Variants in FOXA3 observed in about 807,000 individuals in gnomAD.
FOXA3 encodes the protein hepatocyte nuclear factor 3-gamma.
In FOXA3, 11 loss-of-function variants were observed where a neutral mutation model predicts 16.9. That is an observed-to-expected ratio of 0.65 (90% CI 0.41 to 1.08). FOXA3 has a LOEUF of 1.08. Ranked by LOEUF, FOXA3 falls within the 50% of genes least tolerant of loss-of-function variation. The pLI is 0.00. For missense variants in FOXA3, 423 were observed against 470.1 expected (o/e 0.90, Z 0.93); for synonymous variants, 217 against 203.3 (o/e 1.07, Z -0.57).
rs1245524301 is a variant in FOXA3 at position 45,872,154 on chromosome 19, A to G, written c.149A>G (p.Tyr50Cys). The G allele has an allele frequency of 1.3e-6, 2 of 1,591,548 alleles. No homozygotes were observed. The highest frequency in any genetic ancestry group is 1.7e-6 in the Non-Finnish European group (2 of 1,169,222). The change falls in exon 2 of 2, where the codon TAT (tyrosine) becomes TGT (cysteine). Residue 50 changes from tyrosine to cysteine, a missense_variant. Tyr to Cys is a radical substitution (Grantham distance 194). This residue lies in a region of FOXA3 where 170 missense variants were observed against 153.9 expected (regional missense o/e 1.10). Coordinates refer to ENST00000302177, the MANE Select transcript of FOXA3 (RefSeq NM_004497.3). This position sits in a 1 kb window ranked among gnomAD's most constrained non-coding sequence, Gnocchi z 4.5. Reference protein sequence around the residue: ...YMTLNPLSSPYPPGGLPASPL... With the variant: ...YMTLNPLSSPCPPGGLPASPL... Reference sequence around the variant, plus strand: ...ACCCTGAATCCTCTAAGCTCTCCCTATCCCCCTGGGGGGCTCCCTGCCTCC... The same window carrying G: ...ACCCTGAATCCTCTAAGCTCTCCCTGTCCCCCTGGGGGGCTCCCTGCCTCC...
Position 45,867,980 on chromosome 19 carries a change from G to A in FOXA3, c.69+3455G>A, listed in dbSNP as rs1045455252. On this transcript the variant is annotated intron_variant, in intron 1 of 1. Transcript: ENST00000302177. ...GGGAGAGGACTCGGGAGGGGTCGAG[G>A]GTGGGCAGGAAGAGCAAAAGAGGTT... is the stretch of plus-strand genomic sequence containing the variant. 2.0e-5 allele frequency among the ~76,000 whole-genome samples: 3 copies of A among 151,328 alleles called. No individual in the cohort carries two copies. In the Admixed American group the frequency reaches 2.0e-4, roughly 10 times the overall value.
intron 1 of FOXA3, among the ~76,000 whole-genome samples, chr19:45,870,001 G>A (rs1966891016): frequency 6.6e-6 from 1 of 151,798 alleles, no homozygotes; most frequent in African/African-American, 2.4e-5. Flanking sequence ...GGCCAGGCTG[G>A]TCTCGAACTC....
rs772555492 is a variant in FOXA3 at position 45,872,483 on chromosome 19, C to T, written c.478C>T (p.Arg160Cys). Reference protein sequence around the residue: ...LFPYYRENQQRWQNSIRHSLS... With the variant: ...LFPYYRENQQCWQNSIRHSLS... ...CCCTTACTACCGGGAGAATCAGCAG[C>T]GCTGGCAGAACTCCATTCGCCACTC... Residue 160 changes from arginine to cysteine, a missense_variant, in exon 2 of 2, where the codon CGC becomes TGC. Transcript: ENST00000302177. This position sits in a 1 kb window ranked among gnomAD's most constrained non-coding sequence, Gnocchi z 4.5. 1.7e-5 allele frequency: 27 copies of T among 1,614,068 alleles called. No homozygotes were observed. The highest frequency in any genetic ancestry group is 2.0e-5 in the Non-Finnish European group (24 of 1,180,044).
In FOXA3 at chr19:45,872,227, G is replaced by C; in HGVS notation, c.222G>C (p.Leu74=). ...CACCCCCAGCACCTGCAGCCCCCCT[G>C]GGGCCCACTTTCCCAGGCCTGGGTG... ...PLAPPAPAAP[L]GPTFPGLGVS... Residue 74 remains leucine, a synonymous_variant, in exon 2 of 2, where the codon CTG becomes CTC. Coordinates refer to ENST00000302177, the MANE Select transcript of FOXA3 (RefSeq NM_004497.3). The surrounding 1 kb of genome is among the most constrained non-coding windows in gnomAD (Gnocchi z 4.5). 6.2e-7 allele frequency: 1 copy of C among 1,606,034 alleles called. No individual in the cohort carries two copies.
At chr19:45,868,572 T>C (rs1187570553) in intron 1 of FOXA3, among the ~76,000 whole-genome samples, 1 of 129,764 alleles carries the variant, frequency 7.7e-6, no homozygotes, top group Non-Finnish European at 1.6e-5. Flanking sequence ...ACAGTGAGAC[T>C]CTCTTAAAAA....
intron 1 of FOXA3, among the ~76,000 whole-genome samples, chr19:45,865,317 C>T (rs984913348): frequency 4.6e-5 from 7 of 152,096 alleles, no homozygotes; most frequent in African/African-American, 1.7e-4. Context: ...CCAGCTATTG[C>T]TAAAATTCCC....
chr19:45,871,534 G>A (rs751899743), intron 1 of FOXA3, among the ~76,000 whole-genome samples: 6 of 149,894 alleles, frequency 4.0e-5, no homozygotes, highest in Non-Finnish European at 7.4e-5. Flanking sequence ...AGACCAGCCC[G>A]GCCAACATGG....
rs1426257140 is a variant in FOXA3 at position 45,872,273 on chromosome 19, T to TCCGGGTACGGGGCC, written c.275_288dup (p.Pro97ThrfsTer47). On this transcript the variant is annotated frameshift_variant, in exon 2 of 2. Coordinates refer to ENST00000302177, the MANE Select transcript of FOXA3 (RefSeq NM_004497.3). LOFTEE classifies it high-confidence loss of function. This position sits in a 1 kb window ranked among gnomAD's most constrained non-coding sequence, Gnocchi z 4.5. Reference sequence around the variant, plus strand: ...GGGTGTCAGCGGTGGCAGCAGCAGCTCCGGGTACGGGGCCCCGGGTCCTGG... The same window carrying TCCGGGTACGGGGCC: ...GGGTGTCAGCGGTGGCAGCAGCAGCTCCGGGTACGGGGCCCCGGGTACGGGGCCCCGGGTCCTGG... 1.9e-6 allele frequency: 3 copies of TCCGGGTACGGGGCC among 1,611,798 alleles called. No homozygotes were observed. The South Asian group carries it at 3.3e-5, about 18-fold the overall frequency.
chr19:45,865,779 G>A (rs1413383626), intron 1 of FOXA3, among the ~76,000 whole-genome samples: 1 of 152,118 alleles, frequency 6.6e-6, no homozygotes, highest in African/African-American at 2.4e-5. Context: ...TGAGGTGCAC[G>A]TGGGGTGGGG....
chr19:45,867,777 C>G (rs1174955634), intron 1 of FOXA3, among the ~76,000 whole-genome samples: 1 of 35,770 alleles, frequency 2.8e-5, no homozygotes, highest in African/African-American at 2.2e-4. Context: ...GAGACTCTAT[C>G]TCAAAAAAAA....
Position 45,872,709 on chromosome 19 carries a change from GGTC to G in FOXA3, c.705_707del (p.Ser236del), listed in dbSNP as rs1966920863. 6.2e-7 allele frequency: 1 copy of G among 1,607,256 alleles called. No homozygotes were observed. On this transcript the variant is annotated inframe_deletion, in exon 2 of 2. Coordinates refer to ENST00000302177, the MANE Select transcript of FOXA3 (RefSeq NM_004497.3). This position sits in a 1 kb window ranked among gnomAD's most constrained non-coding sequence, Gnocchi z 4.5. ...GCCACCACCACCAGGAACGGGACAG[GGTC>G]TGCTGCCTCGACCACCACCCCCGCG...
At chr19:45,868,654 G>T (rs1237814805) in intron 1 of FOXA3, among the ~76,000 whole-genome samples, 1 of 151,468 alleles carries the variant, frequency 6.6e-6, no homozygotes, top group Non-Finnish European at 1.5e-5. Flanking sequence ...GGTGGCTCTA[G>T]CCAGTGCTGT....
chr19:45,872,024 C>G lies in FOXA3; in HGVS notation c.70-51C>G. The G allele has an allele frequency of 1.3e-6, 2 of 1,580,862 alleles. No individual in the cohort carries two copies. The highest frequency in any genetic ancestry group is 1.7e-6 in the Non-Finnish European group (2 of 1,157,200). On this transcript the variant is annotated intron_variant, in intron 1 of 1. Coordinates refer to ENST00000302177, the MANE Select transcript of FOXA3 (RefSeq NM_004497.3). This position sits in a 1 kb window ranked among gnomAD's most constrained non-coding sequence, Gnocchi z 4.5. ...ACTCAGTGGGTCCTGGGATCCTTTG[C>G]TGACCAGCAGAGTGGAGCCCCACTG...
chr19:45,866,832 G>A (rs1056810671), intron 1 of FOXA3, among the ~76,000 whole-genome samples: 1 of 152,158 alleles, frequency 6.6e-6, no homozygotes, highest in African/African-American at 2.4e-5. Flanking sequence ...TGGGGTCCTG[G>A]GTTGGGTCTG....
At chr19:45,868,838 C>T (rs183896081) in intron 1 of FOXA3, among the ~76,000 whole-genome samples, 9 of 152,132 alleles carry the variant, frequency 5.9e-5, no homozygotes, top group Non-Finnish European at 8.8e-5. Flanking sequence ...GTTTTCCTGG[C>T]GTGTTCTGTT....
intron 1 of FOXA3, among the ~76,000 whole-genome samples, chr19:45,865,520 T>C (rs1972076623): frequency 6.6e-6 from 1 of 152,124 alleles, no homozygotes; most frequent in Non-Finnish European, 1.5e-5. Flanking sequence ...GTTGGGTTCT[T>C]GGTCTGAGAA....
chr19:45,872,558 C>T lies in FOXA3; in HGVS notation c.553C>T (p.Pro185Ser). ...FVKVARSPDK[P>S]GKGSYWALHP... The stretch of plus-strand genomic sequence containing the variant: ...CAAGGTGGCGCGTTCCCCAGACAAG[C>T]CTGGCAAGGGCTCCTACTGGGCCCT... Residue 185 changes from proline (P) to serine (S), a missense_variant, in exon 2 of 2, where the codon CCT (proline) becomes TCT (serine). This residue lies in a region of FOXA3 where 85 missense variants were observed against 136.9 expected (regional missense o/e 0.62). Transcript: ENST00000302177. This position sits in a 1 kb window ranked among gnomAD's most constrained non-coding sequence, Gnocchi z 4.5. 6.2e-7 allele frequency: 1 copy of T among 1,614,190 alleles called. No homozygotes were observed. The highest frequency in any genetic ancestry group is 8.5e-7 in the Non-Finnish European group (1 of 1,180,022).
At chr19:45,867,881 A>C (rs59794944) in intron 1 of FOXA3, among the ~76,000 whole-genome samples, 46 of 149,286 alleles carry the variant, frequency 3.1e-4, no homozygotes, top group African/African-American at 1.1e-3. Flanking sequence ...AGTGAGAGAG[A>C]GTGCCCAGGA....
rs141782286 is a variant in FOXA3 at position 45,872,404 on chromosome 19, G to A, written c.399G>A (p.Ala133=). ...ISLITMAIQQ[A]PGKMLTLSEI... is the part of the protein sequence containing the mutation. The stretch of plus-strand genomic sequence containing the variant: ...TCATCACCATGGCCATCCAGCAGGC[G>A]CCGGGCAAGATGCTGACCTTGAGTG... The change falls in exon 2 of 2, where the codon GCG becomes GCA. Residue 133 remains alanine (A), a synonymous_variant. Coordinates refer to ENST00000302177, the MANE Select transcript of FOXA3 (RefSeq NM_004497.3). This position sits in a 1 kb window ranked among gnomAD's most constrained non-coding sequence, Gnocchi z 4.5. The A allele has an allele frequency of 2.9e-4, 465 of 1,614,212 alleles. 3 individuals are homozygous for A. In the East Asian group the frequency reaches 9.6e-3, roughly 33 times the overall value.
Sources: allele counts gnomAD v4.1 joint callset (sites outside exome capture counted in the v4.1 genomes callset), GRCh38; gene constraint gnomAD v4.1.1; regional missense constraint gnomAD v4.1.1; non-coding constraint Gnocchi (gnomAD v3.1); transcripts MANE v1.5; gene names NCBI Gene and HGNC (gene_info 2026-07-23, HGNC 2026-07-21).